The following NUDT3 variants were observed in gnomAD, a reference collection of about 807,000 sequenced individuals.
NUDT3 encodes diphosphoinositol polyphosphate phosphohydrolase 1.
In NUDT3, 9 loss-of-function variants were observed where a neutral mutation model predicts 23.6. The observed-to-expected ratio is 0.38, with a 90% CI of 0.23 to 0.66. The LOEUF is 0.66. NUDT3 is among the 30% of genes least tolerant of loss of function. The pLI is 0.52. For missense variants in NUDT3, 172 were observed against 218.5 expected, an observed-to-expected ratio of 0.79 and a Z score of 1.34; for synonymous variants, 86 against 82.6, an observed-to-expected ratio of 1.04 and a Z score of -0.22.
At chr6:34,392,023 ACAAGCC>A (rs1192584835) in intron 1 of NUDT3, among the ~76,000 whole-genome samples, 2 of 152,132 alleles carry the variant, frequency 1.3e-5, no homozygotes, top group African/African-American at 2.4e-5. Flanking sequence ...CGCTCCGGCC[ACAAGCC>A]GGCTACCCCC....
intron 2 of NUDT3, among the ~76,000 whole-genome samples, chr6:34,326,744 G>A (rs552773974): frequency 1.3e-5 from 2 of 152,096 alleles, no homozygotes; most frequent in South Asian, 4.1e-4. Context: ...GGGATTATAG[G>A]CACCCGCCAC....
intron 2 of NUDT3, among the ~76,000 whole-genome samples, chr6:34,326,893 G>A (rs1284433504): frequency 6.6e-6 from 1 of 152,114 alleles, no homozygotes; most frequent in African/African-American, 2.4e-5. Context: ...GAAATGTAGG[G>A]TCCCGCCCTA....
rs368044758 is a variant in NUDT3 at position 34,338,263 on chromosome 6, C to T, written c.210+3599G>A. 6.6e-5 allele frequency among the ~76,000 whole-genome samples: 10 copies of T among 152,212 alleles called. 1 individual carries two copies. The South Asian group carries it at 1.0e-3, about 16-fold the overall frequency. On this transcript the variant is annotated intron_variant, in intron 2 of 4. Transcript: ENST00000607016. Reference sequence around the variant, plus strand: ...TATGTGGGGATAACATATATAAGACCATCATCACACTACCTACTGCATCCC... The same window carrying T: ...TATGTGGGGATAACATATATAAGACTATCATCACACTACCTACTGCATCCC...
chr6:34,356,742 T>C (rs1424960277), intron 1 of NUDT3, among the ~76,000 whole-genome samples: 1 of 152,212 alleles, frequency 6.6e-6, no homozygotes, highest in African/African-American at 2.4e-5. Context: ...GTGTTTTCTA[T>C]ATAATTATTT....
intron 1 of NUDT3, among the ~76,000 whole-genome samples, chr6:34,390,355 T>A (rs1001878344): frequency 6.6e-6 from 1 of 151,250 alleles, no homozygotes; most frequent in African/African-American, 2.4e-5. Context: ...GTCTGACTTG[T>A]GAGATGCCGT....
At chr6:34,387,135 C>G (rs1765119211) in intron 1 of NUDT3, among the ~76,000 whole-genome samples, 1 of 152,108 alleles carries the variant, frequency 6.6e-6, no homozygotes, top group South Asian at 2.1e-4. Context: ...AAATGTAGCA[C>G]ATACAATTAT....
chr6:34,374,682 G>C (rs1368379497), intron 1 of NUDT3, among the ~76,000 whole-genome samples: 2 of 152,086 alleles, frequency 1.3e-5, no homozygotes, highest in Admixed American at 6.5e-5. Context: ...ATTCGGAGAG[G>C]GTTCTTTTAC....
At chr6:34,310,217 A>G (rs1763749954) in intron 2 of NUDT3, among the ~76,000 whole-genome samples, 1 of 152,092 alleles carries the variant, frequency 6.6e-6, no homozygotes, top group Non-Finnish European at 1.5e-5. Flanking sequence ...TGGGTGACAG[A>G]GCAAGACCCT....
intron 1 of NUDT3, among the ~76,000 whole-genome samples, chr6:34,351,226 A>AACAAAAAAAAAAAAAAC (rs1554154786): frequency 2.2e-5 from 3 of 133,976 alleles, no homozygotes; most frequent in Admixed American, 1.5e-4. Flanking sequence ...AAAAAAAAAA[A>AACAAAAAAAAAAAAAAC]CACTTTGGGA....
At chr6:34,324,109 T>C (rs1763987011) in intron 2 of NUDT3, among the ~76,000 whole-genome samples, 1 of 152,000 alleles carries the variant, frequency 6.6e-6, no homozygotes, top group Non-Finnish European at 1.5e-5. Context: ...AATCCCAGTA[T>C]TTTGGGAGGT....
At chr6:34,351,630 T>C (rs1764478544) in intron 1 of NUDT3, among the ~76,000 whole-genome samples, 1 of 146,290 alleles carries the variant, frequency 6.8e-6, no homozygotes, top group Non-Finnish European at 1.5e-5. Context: ...TAATCCCAGC[T>C]ATCGGGAGAC....
At position 34,392,431 on chromosome 6, in the gene NUDT3, G is replaced by T; in HGVS notation, c.-69C>A. The T allele has an allele frequency of 1.6e-6, 2 of 1,222,250 alleles. No homozygotes were observed. The highest frequency in any genetic ancestry group is 1.6e-5 in the African/African-American group (1 of 63,908). 75.7% of individuals were successfully genotyped at this position (1,222,250 alleles called of 1,614,324 possible). A position where few individuals can be genotyped will look rare whatever the true frequency, so the allele number is the denominator to read the frequency against. On this transcript the variant is annotated 5_prime_UTR_variant, in exon 1 of 5. Coordinates refer to ENST00000607016, the MANE Select transcript of NUDT3 (RefSeq NM_006703.4). Reference sequence around the variant, plus strand: ...AGGGGTGGGGAGCCCGCTCTGGACGGCCGCGTGCGCGCGCGCCCCCGGCTC... The same window carrying T: ...AGGGGTGGGGAGCCCGCTCTGGACGTCCGCGTGCGCGCGCGCCCCCGGCTC...
rs780732484 is a variant in NUDT3 at position 34,280,385 on chromosome 6, G to A, written c.*8368C>T. On this transcript the variant is annotated 3_prime_UTR_variant, in exon 5 of 5. Coordinates refer to ENST00000607016, the MANE Select transcript of NUDT3 (RefSeq NM_006703.4). ...GGAAACCAACACCATATAACCACAG[G>A]TTGGGTAGCTCCTAAATCCTGGACA... is the stretch of plus-strand genomic sequence containing the variant. 1 of 152,252 alleles carries A rather than the reference G, an allele frequency of 6.6e-6. No individual in the cohort carries two copies. The highest frequency in any genetic ancestry group is 1.5e-5 in the Non-Finnish European group (1 of 68,064). The allele number at this position is 152,252 out of a possible 1,614,324, so 9.4% of individuals were successfully genotyped here. A position where few individuals can be genotyped will look rare whatever the true frequency, so the allele number is the denominator to read the frequency against.
intron 1 of NUDT3, among the ~76,000 whole-genome samples, chr6:34,388,318 G>A (rs545543883): frequency 2.6e-5 from 4 of 152,216 alleles, no homozygotes; most frequent in African/African-American, 9.6e-5. Flanking sequence ...CACATTCCAT[G>A]TATGCTTCTT....
intron 2 of NUDT3, among the ~76,000 whole-genome samples, chr6:34,314,481 C>A (rs1763829298): frequency 6.6e-6 from 1 of 151,328 alleles, no homozygotes; most frequent in Non-Finnish European, 1.5e-5. Context: ...ATCACTTGAA[C>A]CTGGAAGGTG....
intron 1 of NUDT3, among the ~76,000 whole-genome samples, chr6:34,391,462 T>C (rs1171081650): frequency 6.6e-6 from 1 of 152,214 alleles, no homozygotes; most frequent in Non-Finnish European, 1.5e-5. Flanking sequence ...AGATTTTTTT[T>C]TAAAGTACCC....
intron 2 of NUDT3, among the ~76,000 whole-genome samples, chr6:34,315,916 A>G (rs1763850560): frequency 6.6e-6 from 1 of 152,210 alleles, no homozygotes; most frequent in Non-Finnish European, 1.5e-5. Context: ...CTGCTTTCAT[A>G]AATCTCCGAT....
Position 34,385,130 on chromosome 6 carries a change from T to C in NUDT3, c.99+7134A>G, listed in dbSNP as rs1047544880. Among the ~76,000 whole-genome samples the C allele has an allele frequency of 1.3e-3, 196 of 151,888 alleles. 1 individual carries two copies. The highest frequency in any genetic ancestry group is 4.5e-3 in the African/African-American group (186 of 41,460). On this transcript the variant is annotated intron_variant, in intron 1 of 4. Transcript: ENST00000607016. ...TACATACTTTATATATTACTAATTA[T>C]ATATTATGTGCAAAGAGGAAGCAAA...
intron 2 of NUDT3, among the ~76,000 whole-genome samples, chr6:34,297,728 A>AT (rs1554149011): frequency 4.8e-4 from 25 of 52,086 alleles, no homozygotes; most frequent in African/African-American, 1.8e-3. Context: ...TAAAAAAAAA[A>AT]AAATATATAT....
Sources: allele counts gnomAD v4.1 joint callset (sites outside exome capture counted in the v4.1 genomes callset), GRCh38; gene constraint gnomAD v4.1.1; transcripts MANE v1.5; gene names NCBI Gene and HGNC (gene_info 2026-07-23, HGNC 2026-07-21).